The following DYNC1I2 variants were observed in gnomAD, a reference collection of about 807,000 sequenced individuals.
DYNC1I2 encodes dynein cytoplasmic 1 intermediate chain 2.
Under a neutral mutation model 88.6 loss-of-function variants are expected in DYNC1I2, and 53 were observed. The observed-to-expected ratio is 0.60, with a 90% CI of 0.48 to 0.75. DYNC1I2 has a LOEUF of 0.75. DYNC1I2 is among the 30% of genes least tolerant of loss of function. DYNC1I2 has a pLI of 0.00. For synonymous variants in DYNC1I2, 198 were observed against 254.6 expected, an observed-to-expected ratio of 0.78 and a Z score of 2.12; for missense variants, 458 against 766.6, an observed-to-expected ratio of 0.60 and a Z score of 4.75.
intron 1 of DYNC1I2, 56 bp from the exon 2 acceptor site, chr2:171,690,091 C>A: frequency 8.9e-7 from 1 of 1,118,532 alleles, no homozygotes; most frequent in African/African-American, 1.6e-5. Context: ...CTTCTTGGAA[C>A]ACTAGTTTTT....
chr2:171,742,990 G>A (rs1004204850), intron 15 of DYNC1I2, among the ~76,000 whole-genome samples: 7 of 152,100 alleles, frequency 4.6e-5, no homozygotes, highest in African/African-American at 1.7e-4. Context: ...GAATAATGCA[G>A]GGCTTAGGGG....
intron 17 of DYNC1I2, among the ~76,000 whole-genome samples, chr2:171,746,961 A>G (rs1689825073): frequency 1.3e-5 from 2 of 151,926 alleles, no homozygotes; most frequent in South Asian, 4.2e-4. Flanking sequence ...TGGGAGGATG[A>G]GGCGGGTGGA....
intron 3 of DYNC1I2, among the ~76,000 whole-genome samples, chr2:171,698,562 AT>A (rs1290499062): frequency 6.6e-6 from 1 of 151,942 alleles, no homozygotes; most frequent in African/African-American, 2.4e-5. Context: ...TAATTTTTAA[AT>A]TTTTAGTAGA....
At chr2:171,713,998 T>C (rs1255404412) in intron 6 of DYNC1I2, among the ~76,000 whole-genome samples, 2 of 152,332 alleles carry the variant, frequency 1.3e-5, no homozygotes, top group East Asian at 3.8e-4. Context: ...AGACTCTGTA[T>C]GCATTCAAGT....
intron 15 of DYNC1I2, among the ~76,000 whole-genome samples, chr2:171,743,452 T>G (rs1689582618): frequency 6.6e-6 from 1 of 152,198 alleles, no homozygotes; most frequent in Non-Finnish European, 1.5e-5. Context: ...TAGTTTTTGC[T>G]GCTGTTCTCA....
intron 7 of DYNC1I2, among the ~76,000 whole-genome samples, chr2:171,717,312 A>G (rs901798946): frequency 2.6e-5 from 4 of 151,878 alleles, no homozygotes; most frequent in Non-Finnish European, 4.4e-5. Context: ...ATAGGGTTTC[A>G]CCATGTTGGC....
At chr2:171,701,194 CT>C (rs981104296) in intron 3 of DYNC1I2, among the ~76,000 whole-genome samples, 2 of 151,732 alleles carry the variant, frequency 1.3e-5, no homozygotes, top group Admixed American at 6.6e-5. Context: ...TGCTATTTTT[CT>C]TTTTTTTGGA....
chr2:171,703,502 A>T (rs1311990216), intron 3 of DYNC1I2, among the ~76,000 whole-genome samples: 1 of 152,202 alleles, frequency 6.6e-6, no homozygotes, highest in Non-Finnish European at 1.5e-5. Context: ...TGCTGAGATT[A>T]TAGGCATGAC....
intron 7 of DYNC1I2, among the ~76,000 whole-genome samples, chr2:171,724,798 G>A (rs948625985): frequency 1.3e-5 from 2 of 152,126 alleles, no homozygotes; most frequent in African/African-American, 2.4e-5. Flanking sequence ...TCAGTGTGTA[G>A]CAAAAGAAAA....
At chr2:171,725,835 A>T in intron 8 of DYNC1I2, 84 bp from the exon 9 acceptor site, 1 of 681,422 alleles carries the variant, frequency 1.5e-6, no homozygotes. Flanking sequence ...AAAAATAATA[A>T]CATACATTGA....
intron 10 of DYNC1I2, 45 bp from the exon 11 acceptor site, chr2:171,726,746 C>A: frequency 6.2e-7 from 1 of 1,601,322 alleles, no homozygotes; most frequent in South Asian, 1.1e-5. Flanking sequence ...TAAAACAGTT[C>A]TTATTATGCA....
chr2:171,736,484 A>G (rs1410561785), intron 15 of DYNC1I2, among the ~76,000 whole-genome samples: 1 of 152,222 alleles, frequency 6.6e-6, no homozygotes, highest in African/African-American at 2.4e-5. Flanking sequence ...GGGAAGCCAA[A>G]TTATAATCAG....
intron 15 of DYNC1I2, among the ~76,000 whole-genome samples, chr2:171,738,674 G>C (rs1326716043): frequency 6.6e-6 from 1 of 152,080 alleles, no homozygotes; most frequent in East Asian, 1.9e-4. Context: ...AGCTGTTTTT[G>C]AAGAAGTACA....
At chr2:171,699,746 C>G (rs1014198878) in intron 3 of DYNC1I2, among the ~76,000 whole-genome samples, 1 of 151,892 alleles carries the variant, frequency 6.6e-6, no homozygotes, top group African/African-American at 2.4e-5. Flanking sequence ...CTCAAGTCCT[C>G]CTGCCTCAGC....
At chr2:171,726,708 A>C in intron 10 of DYNC1I2, 83 bp from the exon 11 acceptor site, 1 of 1,518,942 alleles carries the variant, frequency 6.6e-7, no homozygotes, top group Non-Finnish European at 8.9e-7. Flanking sequence ...CAGAATAATA[A>C]TCTGATAAAG....
Position 171,748,080 on chromosome 2 carries a change from T to C in DYNC1I2, c.*191T>C. 2.1e-6 allele frequency: 1 copy of C among 485,396 alleles called. No homozygotes were observed. Among genetic ancestry groups the C allele is most frequent in the Non-Finnish European group, 3.7e-6 (1 of 270,258 alleles). 30.1% of individuals were successfully genotyped at this position (485,396 alleles called of 1,614,324 possible). On this transcript the variant is annotated 3_prime_UTR_variant, in exon 18 of 18. Transcript: ENST00000397119. ...TGCATCTTGTTTTGGATTTGTGTCA[T>C]TTTTTAATATAGCTGATTGACTTCA...
At position 171,692,836 on chromosome 2, in the gene DYNC1I2, AAGG is replaced by A; in HGVS notation, c.171_173del (p.Arg58del). ...AAGAAGAATCAGATCTTGAAAAAAA[AAGG>A]AGAGAAGCTGAAGCATTGCTTCAAA... On this transcript the variant is annotated inframe_deletion, in exon 3 of 18. Transcript: ENST00000397119. 6.2e-7 allele frequency: 1 copy of A among 1,609,648 alleles called. No individual in the cohort carries two copies. The highest frequency in any genetic ancestry group is 2.2e-5 in the East Asian group (1 of 44,778).
Position 171,728,419 on chromosome 2 carries a change from G to T in DYNC1I2, c.1257+1G>T. 8 of 1,570,592 alleles carry T rather than the reference G, an allele frequency of 5.1e-6. No homozygotes were observed. The highest frequency in any genetic ancestry group is 5.2e-6 in the Non-Finnish European group (6 of 1,152,716). ...TCTGGACATGCTTTCCCATCCACAG[G>T]TGGGTTAAACTTGGGAAACTGAAAT... On this transcript the variant is annotated splice_donor_variant, in intron 13 of 17. Transcript: ENST00000397119. LOFTEE classifies it high-confidence loss of function.
intron 17 of DYNC1I2, among the ~76,000 whole-genome samples, chr2:171,746,700 T>C (rs917802947): frequency 2.0e-5 from 3 of 151,924 alleles, no homozygotes; most frequent in African/African-American, 7.3e-5. Flanking sequence ...TTGAACACTC[T>C]AAGTGTTGCT....
Sources: gnomAD v4.1 joint callset for allele counts (sites outside exome capture counted in the v4.1 genomes callset) on GRCh38, gnomAD v4.1.1 for gene constraint, MANE v1.5 for transcripts, NCBI Gene and HGNC (gene_info 2026-07-23, HGNC 2026-07-21) for gene names.